Variants in NUP85 observed in about 807,000 individuals in gnomAD.
NUP85 encodes nuclear pore complex protein Nup85.
In NUP85, 23 loss-of-function variants were observed where a neutral mutation model predicts 92.8. The observed-to-expected ratio is 0.25, with a 90% CI of 0.18 to 0.35. The LOEUF is 0.35. Ranked by LOEUF, NUP85 falls within the 10% of genes least tolerant of loss-of-function variation. NUP85 has a pLI of 1.00. For missense variants in NUP85, 759 were observed against 822.8 expected (o/e 0.92, Z 0.95); for synonymous variants, 314 against 306.9 (o/e 1.02, Z -0.24).
chr17:75,207,679 C>T (rs2075126483), intron 1 of NUP85, among the ~76,000 whole-genome samples: 1 of 151,722 alleles, frequency 6.6e-6, no homozygotes, highest in Admixed American at 6.6e-5. Flanking sequence ...GGGGTTTCAC[C>T]ATCTTGGTCA....
rs2075159505 is a variant in NUP85 at position 75,208,509 on chromosome 17, T to C, written c.34-18T>C. On this transcript the variant is annotated intron_variant, in intron 1 of 18. Transcript: ENST00000245544. ...AAGAACATTTTTCATTTTAGATTTC[T>C]ATGCCTTATTTTACTAGTTGATTCC... 6 of 1,304,156 alleles carry C rather than the reference T, an allele frequency of 4.6e-6. No homozygotes were observed. The highest frequency in any genetic ancestry group is 1.8e-5 in the Admixed American group (1 of 56,298). 80.8% of individuals were successfully genotyped at this position (1,304,156 alleles called of 1,614,324 possible).
chr17:75,207,979 C>G (rs1481639731), intron 1 of NUP85, among the ~76,000 whole-genome samples: 1 of 151,626 alleles, frequency 6.6e-6, no homozygotes, highest in Non-Finnish European at 1.5e-5. Context: ...AACAAGAGTT[C>G]GAACTCCTGA....
rs1057011658 is a variant in NUP85, at chr17:75,218,382, C to T, written c.597+76C>T. 1.0e-5 allele frequency: 16 copies of T among 1,579,534 alleles called. No individual in the cohort carries two copies. The Admixed American group carries it at 2.5e-4, about 25-fold the overall frequency. ...TGCTGCCGGGTGGGTCTGAGGACAC[C>T]CACTGAGCCTCCAGCAGTAGGCTGG... On this transcript the variant is annotated intron_variant, in intron 7 of 18. Transcript: ENST00000245544.
intron 7 of NUP85, among the ~76,000 whole-genome samples, chr17:75,218,769 A>G (rs1235355471): frequency 6.6e-6 from 1 of 151,940 alleles, no homozygotes; most frequent in Non-Finnish European, 1.5e-5. Context: ...AAAATATAAA[A>G]GAGAAAAGAT....
At position 75,218,229 on chromosome 17, in the gene NUP85, G is replaced by T. The variant is rs1375729478; in HGVS notation, c.520G>T (p.Val174Leu). ...LHLLDWVRLH[V>L]CEVDSLSADV... is the part of the protein sequence containing the mutation. ...TCTCCTTGACTGGGTCCGGCTCCATGTGTGCGAGGTGGACAGTTTGTCGGC... is the reference window on the plus strand; with the variant it reads ...TCTCCTTGACTGGGTCCGGCTCCATTTGTGCGAGGTGGACAGTTTGTCGGC... The change falls in exon 7 of 19, where the codon GTG becomes TTG. Residue 174 changes from valine (V) to leucine (L), a missense_variant. Val to Leu is a conservative substitution (Grantham distance 32). Transcript: ENST00000245544. The T allele has an allele frequency of 1.2e-6, 2 of 1,614,032 alleles. No individual in the cohort carries two copies. Among genetic ancestry groups the T allele is most frequent in the Non-Finnish European group, 1.7e-6 (2 of 1,179,954 alleles).
Position 75,208,544 on chromosome 17 carries a change from T to G in NUP85, c.51T>G (p.Asn17Lys). ...EPTVTLIPGV[N>K]SKKNQMYFDW... is the part of the protein sequence containing the mutation. ...TTTACTAGTTGATTCCAGGCGTGAA[T>G]TCCAAGAAGAACCAAATGTATTTTG... Residue 17 changes from asparagine to lysine, a missense_variant, in exon 2 of 19, where the codon AAT becomes AAG. Asn to Lys is a moderately conservative substitution (Grantham distance 94). Transcript: ENST00000245544. 1 of 1,597,634 alleles carries G rather than the reference T, an allele frequency of 6.3e-7. No homozygotes were observed. The highest frequency in any genetic ancestry group is 8.6e-7 in the Non-Finnish European group (1 of 1,165,652).
rs534937142 is a variant in NUP85 at position 75,232,735 on chromosome 17, CAA to C, written c.1397-114_1397-113del. 163 of 868,690 alleles carry C rather than the reference CAA, an allele frequency of 1.9e-4. 1 individual carries two copies. In the East Asian group the frequency reaches 2.7e-3, roughly 14 times the overall value. 53.8% of individuals were successfully genotyped at this position (868,690 alleles called of 1,614,324 possible). A position where few individuals can be genotyped will look rare whatever the true frequency, so the allele number is the denominator to read the frequency against. ...TGCCGATCCAGCTGCATTTAGAGCC[CAA>C]AGAGTGGCTCTGCGGTGGAGTGAGG... On this transcript the variant is annotated intron_variant, in intron 14 of 18. Transcript: ENST00000245544.
At chr17:75,212,286 T>A (rs1214231597) in intron 4 of NUP85, among the ~76,000 whole-genome samples, 16 of 92,560 alleles carry the variant, frequency 1.7e-4, no homozygotes, top group South Asian at 4.6e-4. Flanking sequence ...TTTTTTTTTT[T>A]GAGACCGAGT....
intron 6 of NUP85, 64 bp downstream of exon 6, chr17:75,215,887 A>G: frequency 7.4e-7 from 1 of 1,350,608 alleles, no homozygotes; most frequent in South Asian, 1.2e-5. Context: ...CTCTTTCCTC[A>G]TCTTTCCTGT....
intron 3 of NUP85, among the ~76,000 whole-genome samples, chr17:75,210,968 T>A (rs2075240331): frequency 6.7e-6 from 1 of 149,260 alleles, no homozygotes; most frequent in Non-Finnish European, 1.5e-5. Context: ...CCCAAAGTGC[T>A]GGGATTACAG....
intron 11 of NUP85, 106 bp downstream of exon 11, chr17:75,226,263 CCTG>C: frequency 1.2e-6 from 1 of 800,190 alleles, no homozygotes; most frequent in Non-Finnish European, 2.1e-6. Context: ...TTCCCTCAGA[CCTG>C]CTATCTTAGT....
intron 18 of NUP85, 145 bp downstream of exon 18, chr17:75,235,346 C>A: frequency 1.6e-6 from 1 of 631,180 alleles, no homozygotes; most frequent in South Asian, 2.1e-5. Context: ...TCACACACCA[C>A]CTTCTTTTAG....
At chr17:75,226,270 T>C in intron 11 of NUP85, 113 bp downstream of exon 11, 1 of 732,312 alleles carries the variant, frequency 1.4e-6, no homozygotes. Flanking sequence ...AGACCTGCTA[T>C]CTTAGTCCAT....
intron 6 of NUP85, among the ~76,000 whole-genome samples, chr17:75,217,211 C>T (rs1298480642): frequency 6.6e-6 from 1 of 152,004 alleles, no homozygotes; most frequent in East Asian, 1.9e-4. Context: ...AGGCCTGCAC[C>T]ACCACGCCCG....
In NUP85 at chr17:75,233,437, CT is replaced by C. The variant is rs60396796; in HGVS notation, c.1615+294del. 7.6e-4 allele frequency among the ~76,000 whole-genome samples: 89 copies of C among 117,164 alleles called. 7 individuals are homozygous for C. Among genetic ancestry groups the C allele is most frequent in the African/African-American group, 2.5e-3 (73 of 28,950 alleles). The allele number at this position is 117,164 out of a possible 152,430, so 76.9% of individuals were successfully genotyped here. On this transcript the variant is annotated intron_variant, in intron 16 of 18. Coordinates refer to ENST00000245544, the MANE Select transcript of NUP85 (RefSeq NM_024844.5). ...TCTTTCTTCTTTTCTTTTATTTTTT[CT>C]TTTTTTTTTTTTTTGAGACAGAATC...
rs571750459 is a variant in NUP85 at position 75,225,579 on chromosome 17, C to T, written c.855+115C>T. 3.5e-5 allele frequency: 55 copies of T among 1,571,110 alleles called. No homozygotes were observed. In the South Asian group the frequency reaches 4.7e-4, roughly 13 times the overall value. ...TGGATAGGGCTGTCTGTCGCTCTGC[C>T]GTGATGGCGAGAGCTTTCAGACTAG... On this transcript the variant is annotated intron_variant, in intron 9 of 18. Transcript: ENST00000245544.
At chr17:75,213,723 A>C (rs1458787998) in intron 5 of NUP85, among the ~76,000 whole-genome samples, 3 of 149,226 alleles carry the variant, frequency 2.0e-5, no homozygotes, top group Non-Finnish European at 4.4e-5. Context: ...CTTGAACTCA[A>C]CATTTTTTTT....
intron 7 of NUP85, among the ~76,000 whole-genome samples, chr17:75,221,661 G>C (rs1052171101): frequency 6.6e-6 from 1 of 152,148 alleles, no homozygotes; most frequent in Admixed American, 6.6e-5. Flanking sequence ...ACATAAATGT[G>C]GGTGAAGTAG....
intron 17 of NUP85, 124 bp downstream of exon 17, chr17:75,234,912 T>TA (rs1334479754): frequency 8.1e-7 from 1 of 1,234,620 alleles, no homozygotes; most frequent in Non-Finnish European, 1.2e-6. Flanking sequence ...GTATTCCCCT[T>TA]AGCGCCCTCT....
Sources: gnomAD v4.1 joint callset for allele counts (sites outside exome capture counted in the v4.1 genomes callset) on GRCh38, gnomAD v4.1.1 for gene constraint, MANE v1.5 for transcripts, NCBI Gene and HGNC (gene_info 2026-07-23, HGNC 2026-07-21) for gene names.